Variants in SIRPG observed in about 807,000 individuals in gnomAD.
SIRPG encodes the protein signal-regulatory protein gamma.
A neutral mutation model predicts 35.7 loss-of-function variants in SIRPG; 38 were observed. The observed-to-expected ratio is 1.06, with a 90% CI of 0.82 to 1.40. The LOEUF (loss-of-function observed/expected upper bound fraction) is 1.40. Among genes scored for constraint, SIRPG ranks in the 40% most tolerant of loss-of-function variants. The pLI is 0.00. For missense variants in SIRPG, 519 were observed against 483.0 expected, an observed-to-expected ratio of 1.07 and a Z score of -0.70; for synonymous variants, 215 against 190.4, an observed-to-expected ratio of 1.13 and a Z score of -1.06.
In SIRPG at chr20:1,635,563, C is replaced by T. The variant is rs1032983737; in HGVS notation, c.785G>A (p.Arg262Lys). Residue 262 changes from arginine to lysine, a missense_variant, in exon 4 of 6, where the codon AGG (arginine) becomes AAG (lysine). Coordinates refer to ENST00000303415, the MANE Select transcript of SIRPG (RefSeq NM_018556.4). ...GGTGACGTTTACCTGGTTCCCCACC[C>T]TCATGGGCTGTTGAGTAACCTCCAA... ...PTLEVTQQPM[R>K]VGNQVNVTCQ... The T allele has an allele frequency of 6.2e-7, 1 of 1,614,016 alleles. No individual in the cohort carries two copies. The highest frequency in any genetic ancestry group is 8.5e-7 in the Non-Finnish European group (1 of 1,179,992).
At chr20:1,651,797 A>G (rs2091941808) in intron 1 of SIRPG, among the ~76,000 whole-genome samples, 1 of 152,072 alleles carries the variant, frequency 6.6e-6, no homozygotes, top group Non-Finnish European at 1.5e-5. Context: ...AGTGCTGCCA[A>G]GACTCTCTAT....
chr20:1,652,858 A>G (rs1034295497), intron 1 of SIRPG, among the ~76,000 whole-genome samples: 2 of 152,174 alleles, frequency 1.3e-5, no homozygotes, highest in Non-Finnish European at 2.9e-5. Context: ...TTTCTCTTTT[A>G]TTCTACCAAA....
chr20:1,649,629 CTT>C lies in SIRPG; in HGVS notation c.74-223_74-222del, dbSNP rs35561366. Among the ~76,000 whole-genome samples, 543 of 75,752 alleles carry C rather than the reference CTT, an allele frequency of 7.2e-3. 5 individuals carry two copies. Among genetic ancestry groups the C allele is most frequent in the African/African-American group, 0.016 (285 of 17,512 alleles). The allele number at this position is 75,752 out of a possible 152,430, so 49.7% of individuals were successfully genotyped here. On this transcript the variant is annotated intron_variant, in intron 1 of 5. Coordinates refer to ENST00000303415, the MANE Select transcript of SIRPG (RefSeq NM_018556.4). The stretch of plus-strand genomic sequence containing the variant: ...CTGAGGCCTGAGGCACAGAGAGGTT[CTT>C]TTTTTTTTTTTTTTTTTTTTTTTGA...
At chr20:1,630,708 T>A (rs1413258300) in intron 4 of SIRPG, 2 of 202,660 alleles carry the variant, frequency 9.9e-6, no homozygotes, top group African/African-American at 2.4e-5. Flanking sequence ...AAGAAGCTCA[T>A]CACTAGTGTT....
At chr20:1,655,787 T>G (rs912893470) in intron 1 of SIRPG, among the ~76,000 whole-genome samples, 3 of 152,150 alleles carry the variant, frequency 2.0e-5, no homozygotes, top group African/African-American at 7.2e-5. Context: ...TAAGTATACA[T>G]ACTTTTGTCA....
At chr20:1,660,679 T>C (rs2091993706), upstream of SIRPG, among the ~76,000 whole-genome samples, 1 of 152,132 alleles carries the variant, frequency 6.6e-6, no homozygotes, top group African/African-American at 2.4e-5. Flanking sequence ...GAAGCATAGA[T>C]AAAATCTGAA....
the SIRPG span, among the ~76,000 whole-genome samples, chr20:1,669,286 C>T: frequency 6.4e-3 from 980 of 152,338 alleles, 1 homozygote; most frequent in Non-Finnish European, 0.011. Flanking sequence ...CATTGTTCCT[C>T]AAGTTCTGAG....
At chr20:1,649,629 C>CTT (rs35561366) in intron 1 of SIRPG, among the ~76,000 whole-genome samples, 1,122 of 75,762 alleles carry the variant, frequency 0.015, 48 homozygotes, top group East Asian at 0.048. Flanking sequence ...CAGAGAGGTT[C>CTT]TTTTTTTTTT....
upstream of SIRPG, among the ~76,000 whole-genome samples, chr20:1,658,657 T>C (rs747862596): frequency 3.3e-5 from 5 of 152,154 alleles, no homozygotes; most frequent in African/African-American, 7.2e-5. Context: ...ATAGTAAGTC[T>C]TTTTGTGCAG....
Position 1,635,454 on chromosome 20 carries a change from C to T in SIRPG, c.894G>A (p.Ser298=), listed in dbSNP as rs1010409087. 3 of 1,614,070 alleles carry T rather than the reference C, an allele frequency of 1.9e-6. No individual in the cohort carries two copies. Among genetic ancestry groups the T allele is most frequent in the African/African-American group, 1.3e-5 (1 of 74,994 alleles). ...TACCATCCTTGTTCTCTGTAAGGGTCGAGGCTGTTTCTCTCTGGCACACGT... is the reference window on the plus strand; with the variant it reads ...TACCATCCTTGTTCTCTGTAAGGGTTGAGGCTGTTTCTCTCTGGCACACGT... The part of the protein sequence containing the change: ...NGNVCQRETA[S]TLTENKDGTY... Residue 298 remains serine, a synonymous_variant, in exon 4 of 6, where the codon TCG becomes TCA. Transcript: ENST00000303415.
At chr20:1,647,894 G>A (rs1257409906) in intron 2 of SIRPG, 14 of 152,188 alleles carry the variant, frequency 9.2e-5, no homozygotes, top group Admixed American at 9.2e-4. Flanking sequence ...TTCTGTTTGA[G>A]GAGCTTTTAT....
At chr20:1,683,040 C>G in the SIRPG span, among the ~76,000 whole-genome samples, 1 of 152,150 alleles carries the variant, frequency 6.6e-6, no homozygotes, top group Admixed American at 6.5e-5. Context: ...AGAACTCAAG[C>G]AACTCAATTA....
chr20:1,658,817 C>T (rs1312790425), upstream of SIRPG, among the ~76,000 whole-genome samples: 1 of 152,170 alleles, frequency 6.6e-6, no homozygotes, highest in South Asian at 2.1e-4. Context: ...CCACCAGTGG[C>T]TTTCTCCCAG....
the SIRPG span, among the ~76,000 whole-genome samples, chr20:1,682,893 C>G: frequency 6.6e-6 from 1 of 152,014 alleles, no homozygotes; most frequent in African/African-American, 2.4e-5. Context: ...GTGCATTTCT[C>G]GTGGATATAG....
the SIRPG span, among the ~76,000 whole-genome samples, chr20:1,683,729 A>G: frequency 6.6e-6 from 1 of 152,186 alleles, no homozygotes; most frequent in Non-Finnish European, 1.5e-5. Context: ...GCACTTTGAG[A>G]GGCTGAGGCA....
the SIRPG span, among the ~76,000 whole-genome samples, chr20:1,667,652 G>A: frequency 6.6e-6 from 1 of 152,196 alleles, no homozygotes; most frequent in Middle Eastern, 3.2e-3. Flanking sequence ...TATTCATAAG[G>A]AGGTGGAAAG....
the SIRPG span, among the ~76,000 whole-genome samples, chr20:1,668,199 TTTTC>T: frequency 0.035 from 2,326 of 67,306 alleles, 57 homozygotes; most frequent in African/African-American, 0.08. Context: ...TTTTCTTTTC[TTTTC>T]TTTCTTTCTT....
chr20:1,636,233 C>G lies in SIRPG; in HGVS notation c.703G>C (p.Gly235Arg). Reference sequence around the variant, plus strand: ...TTGGCAGTCCCACGAAGAGGGTCCCCCTGCAAGGTGACATGGGCCACCTCG... The same window carrying G: ...TTGGCAGTCCCACGAAGAGGGTCCCGCTGCAAGGTGACATGGGCCACCTCG... The part of the protein sequence containing the change: ...ICEVAHVTLQ[G>R]DPLRGTANLS... The change falls in exon 3 of 6, where the codon GGG (glycine) becomes CGG (arginine). Residue 235 changes from glycine to arginine, a missense_variant. Transcript: ENST00000303415. The G allele has an allele frequency of 6.2e-7, 1 of 1,614,166 alleles. No individual in the cohort carries two copies. The highest frequency in any genetic ancestry group is 8.5e-7 in the Non-Finnish European group (1 of 1,180,020).
Position 1,629,569 on chromosome 20 carries a change from G to A in SIRPG, c.*70C>T, listed in dbSNP as rs1405907898. On this transcript the variant is annotated 3_prime_UTR_variant, in exon 6 of 6. Transcript: ENST00000303415. ...TCTCACTGGCTCATTCTCTCAAGCT[G>A]AGCCTCTCAGGAAAGGAAGGAGGCA... 7.9e-5 allele frequency: 12 copies of A among 152,350 alleles called. No homozygotes were observed. Among genetic ancestry groups the A allele is most frequent in the Admixed American group, 6.5e-4 (10 of 15,280 alleles). 9.4% of individuals were successfully genotyped at this position (152,350 alleles called of 1,614,324 possible).
Sources: gnomAD v4.1 joint callset for allele counts (sites outside exome capture counted in the v4.1 genomes callset) on GRCh38, gnomAD v4.1.1 for gene constraint, MANE v1.5 for transcripts, NCBI Gene and HGNC (gene_info 2026-07-23, HGNC 2026-07-21) for gene names.